Variants in ERCC5 observed in about 807,000 individuals in gnomAD.
The protein encoded by ERCC5 is ERCC excision repair 5, endonuclease, also known as DNA excision repair protein ERCC-5.
A neutral mutation model predicts 105.6 loss-of-function variants in ERCC5; 68 were observed. The observed-to-expected ratio is 0.64, with a 90% CI of 0.53 to 0.79. The LOEUF is 0.79. ERCC5 is among the 30% of genes least tolerant of loss of function. ERCC5 has a pLI of 0.00. For synonymous variants in ERCC5, 546 were observed against 526.2 expected (o/e 1.04, Z -0.51); for missense variants, 1,373 against 1,426.7 (o/e 0.96, Z 0.61).
chr13:102,871,562 T>C (rs1487346312), intron 12 of ERCC5, among the ~76,000 whole-genome samples: 1 of 152,136 alleles, frequency 6.6e-6, no homozygotes, highest in East Asian at 1.9e-4. Flanking sequence ...ATACTTTAAG[T>C]AGAGTTCTAT....
chr13:102,874,167 T>C (rs1883120098), intron 14 of ERCC5, among the ~76,000 whole-genome samples: 1 of 152,224 alleles, frequency 6.6e-6, no homozygotes. Flanking sequence ...TTGTAATATT[T>C]ATCTCCTTTT....
intron 5 of ERCC5, among the ~76,000 whole-genome samples, chr13:102,856,448 T>G (rs1246824138): frequency 6.6e-6 from 1 of 152,252 alleles, no homozygotes; most frequent in African/African-American, 2.4e-5. Flanking sequence ...AATAACAGTT[T>G]GATATATTTT....
At chr13:102,860,796 G>T (rs886439267) in intron 6 of ERCC5, among the ~76,000 whole-genome samples, 11 of 152,154 alleles carry the variant, frequency 7.2e-5, no homozygotes, top group Admixed American at 6.5e-4. Flanking sequence ...AAGTATTACT[G>T]TTAATAACTG....
chr13:102,847,182 A>G (rs1881999509), intron 1 of ERCC5, among the ~76,000 whole-genome samples: 1 of 151,502 alleles, frequency 6.6e-6, no homozygotes, highest in African/African-American at 2.4e-5. Context: ...TTTAAGGACT[A>G]TTGTTTCTGT....
intron 5 of ERCC5, among the ~76,000 whole-genome samples, chr13:102,856,756 G>A (rs2140521717): frequency 6.6e-6 from 1 of 152,352 alleles, no homozygotes; most frequent in Non-Finnish European, 1.5e-5. Flanking sequence ...GGTGGTTGAT[G>A]CTGGCTGTCA....
In ERCC5 at chr13:102,865,806, G is replaced by C; in HGVS notation, c.2094G>C (p.Glu698Asp). Reference protein sequence around the residue: ...TREGEAPAESESLLRDNSERD... With the variant: ...TREGEAPAESDSLLRDNSERD... ...AGGGAGAAGCCCCTGCTGAGTCCGA[G>C]AGCCTCCTGAGGGACAACTCTGAGA... The change falls in exon 9 of 15, where the codon GAG becomes GAC. Residue 698 changes from glutamate (E) to aspartate (D), a missense_variant. By Grantham distance (45) the Glu-to-Asp change is conservative. Coordinates refer to ENST00000652225, the MANE Select transcript of ERCC5 (RefSeq NM_000123.4). This position sits in a 1 kb window ranked among gnomAD's most constrained non-coding sequence, Gnocchi z 4.0. 6.2e-7 allele frequency: 1 copy of C among 1,614,182 alleles called. No individual in the cohort carries two copies. Among genetic ancestry groups the C allele is most frequent in the South Asian group, 1.1e-5 (1 of 91,090 alleles).
chr13:102,846,412 C>A, intron 1 of ERCC5, 58 bp downstream of exon 1: 1 of 1,471,606 alleles, frequency 6.8e-7, no homozygotes, highest in Non-Finnish European at 9.5e-7. Flanking sequence ...GGATTCCTCG[C>A]GGGGCTCTGC....
chr13:102,853,194 G>A (rs1882270146), intron 2 of ERCC5, among the ~76,000 whole-genome samples: 1 of 152,210 alleles, frequency 6.6e-6, no homozygotes, highest in South Asian at 2.1e-4. Context: ...CAGGTACTTT[G>A]TGGAAGGATT....
In ERCC5 at chr13:102,875,330, CT is replaced by C; in HGVS notation, c.2991del (p.Phe997LeufsTer3). ...AGACACAGCTCCGAATTGATTCCTT[CT>C]TTAGATTAGCACAACAGGAGAAAGA... ...QQTQLRIDSF[F>X]RLAQQEKEDA... On this transcript the variant is annotated frameshift_variant, in exon 15 of 15. Transcript: ENST00000652225. LOFTEE classifies it low-confidence loss of function (END_TRUNC). 7 of 1,613,884 alleles carry C rather than the reference CT, an allele frequency of 4.3e-6. No individual in the cohort carries two copies. The highest frequency in any genetic ancestry group is 5.9e-6 in the Non-Finnish European group (7 of 1,179,990).
chr13:102,848,987 T>G (rs767983660), intron 1 of ERCC5: 2 of 366,338 alleles, frequency 5.5e-6, no homozygotes, highest in Non-Finnish European at 1.1e-5. Flanking sequence ...CATATCCTAT[T>G]CTAATGGATA....
At chr13:102,864,096 C>T (rs527950589) in intron 8 of ERCC5, among the ~76,000 whole-genome samples, 17 of 146,840 alleles carry the variant, frequency 1.2e-4, no homozygotes, top group Middle Eastern at 3.6e-3. Context: ...AGACTTCATA[C>T]GTGATGGCCA....
chr13:102,861,514 A>T lies in ERCC5; in HGVS notation c.680A>T (p.Asp227Val). Reference protein sequence around the residue: ...TLFEAMPEESDDFSQYQLKGL... With the variant: ...TLFEAMPEESVDFSQYQLKGL... ...TGTTTATTTTGCCTTTAGGAGTCTG[A>T]TGACTTTTCACAGTACCAACTCAAA... The change falls in exon 7 of 15, where the codon GAT becomes GTT. Residue 227 changes from aspartate to valine, a missense_variant. Transcript: ENST00000652225. 1 of 1,614,122 alleles carries T rather than the reference A, an allele frequency of 6.2e-7. No homozygotes were observed. Among genetic ancestry groups the T allele is most frequent in the African/African-American group, 1.3e-5 (1 of 75,036 alleles).
Position 102,850,467 on chromosome 13 carries a change from C to G in ERCC5, c.89-1651C>G, listed in dbSNP as rs558604126. Among the ~76,000 whole-genome samples, 22 of 152,194 alleles carry G rather than the reference C, an allele frequency of 1.4e-4. No individual in the cohort carries two copies. In the South Asian group the frequency reaches 4.6e-3, roughly 32 times the overall value. On this transcript the variant is annotated intron_variant, in intron 1 of 14. Transcript: ENST00000652225. Reference sequence around the variant, plus strand: ...CAGAGGCCAGATCATTCAAGGCTTCCTAGACCAGGAGAAGAAGTTTTAGAT... The same window carrying G: ...CAGAGGCCAGATCATTCAAGGCTTCGTAGACCAGGAGAAGAAGTTTTAGAT...
At chr13:102,869,031 C>T (rs931526245) in intron 12 of ERCC5, among the ~76,000 whole-genome samples, 2 of 152,170 alleles carry the variant, frequency 1.3e-5, no homozygotes, top group East Asian at 1.9e-4. Flanking sequence ...ATCTTTTAAC[C>T]GTCACTATGT....
rs1883058434 is a variant in ERCC5 at position 102,872,235 on chromosome 13, A to C, written c.2716A>C (p.Arg906=). 4 of 1,614,154 alleles carry C rather than the reference A, an allele frequency of 2.5e-6. No individual in the cohort carries two copies. In the East Asian group the frequency reaches 8.9e-5, roughly 36 times the overall value. The part of the protein sequence containing the change: ...WHEAQKNPKI[R]PNPHDTKVKK... The stretch of plus-strand genomic sequence containing the variant: ...TGAAGCTCAAAAAAATCCAAAGATA[A>C]GACCTAATCCTCATGACACCAAAGT... The change falls in exon 13 of 15, where the codon AGA becomes CGA. Residue 906 remains arginine, a synonymous_variant. Transcript: ENST00000652225.
intron 1 of ERCC5, among the ~76,000 whole-genome samples, chr13:102,846,599 G>A: frequency 6.6e-6 from 1 of 152,106 alleles, no homozygotes; most frequent in East Asian, 1.9e-4. Context: ...TTATATAATG[G>A]CGTGGTATTT....
chr13:102,870,003 G>T (rs1595388776), intron 12 of ERCC5, among the ~76,000 whole-genome samples: 1 of 152,194 alleles, frequency 6.6e-6, no homozygotes, highest in African/African-American at 2.4e-5. Flanking sequence ...AGCAGCCTTC[G>T]CTCTGCCTGG....
chr13:102,875,834 C>T lies in ERCC5; in HGVS notation c.3492C>T (p.Thr1164=), dbSNP rs148782406. 3.3e-5 allele frequency: 53 copies of T among 1,613,028 alleles called. No individual in the cohort carries two copies. Among genetic ancestry groups the T allele is most frequent in the East Asian group, 1.1e-4 (5 of 44,864 alleles). ...GGAAAGAGAAGATGGTCCTCGTGAC[C>T]GCCAGATCTGTGTTTGGGAAGAAAA... is the stretch of plus-strand genomic sequence containing the variant. The part of the protein sequence containing the change: ...DGGKEKMVLV[T]ARSVFGKKRR... Residue 1164 remains threonine (T), a synonymous_variant, in exon 15 of 15, where the codon ACC becomes ACT. Coordinates refer to ENST00000652225, the MANE Select transcript of ERCC5 (RefSeq NM_000123.4).
At position 102,858,356 on chromosome 13, in the gene ERCC5, A is replaced by T. The variant is rs1595380555; in HGVS notation, c.610A>T (p.Ile204Phe). The change falls in exon 6 of 15, where the codon ATC becomes TTC. Residue 204 changes from isoleucine (I) to phenylalanine (F), a missense_variant. Physicochemically the swap from Ile to Phe is conservative, Grantham distance 21. This residue lies in a region of ERCC5 where 1,004 missense variants were observed against 1,059.7 expected (regional missense o/e 0.95). Coordinates refer to ENST00000652225, the MANE Select transcript of ERCC5 (RefSeq NM_000123.4). ...CCTGCCCCCTGAAGTAAAGCATGAA[A>T]TCTTGACTGATATGAAAGAGTTCAC... ...SSLPPEVKHE[I>F]LTDMKEFTKR... 6.2e-7 allele frequency: 1 copy of T among 1,614,194 alleles called. No homozygotes were observed.
Sources: allele counts gnomAD v4.1 joint callset (sites outside exome capture counted in the v4.1 genomes callset), GRCh38; gene constraint gnomAD v4.1.1; regional missense constraint gnomAD v4.1.1; non-coding constraint Gnocchi (gnomAD v3.1); transcripts MANE v1.5; gene names NCBI Gene and HGNC (gene_info 2026-07-23, HGNC 2026-07-21).